The following SP1 variants were observed in gnomAD, a reference collection of about 807,000 sequenced individuals.
SP1 encodes the protein Sp1 transcription factor.
A neutral mutation model predicts 66.3 loss-of-function variants in SP1; 6 were observed. The observed-to-expected ratio is 0.09, with a 90% CI of 0.05 to 0.18. The LOEUF is 0.18. Among genes scored for constraint, SP1 ranks in the 10% least tolerant of loss-of-function variants. The probability of loss-of-function intolerance (pLI) is 1.00; values close to 1 mark genes in which losing one functional copy is unlikely to be tolerated. For synonymous variants in SP1, 417 were observed against 360.8 expected, an observed-to-expected ratio of 1.16 and a Z score of -1.77; for missense variants, 848 against 964.5, an observed-to-expected ratio of 0.88 and a Z score of 1.60.
chr12:53,401,507 C>T (rs1938610375), intron 3 of SP1, among the ~76,000 whole-genome samples: 1 of 147,348 alleles, frequency 6.8e-6, no homozygotes, highest in African/African-American at 2.5e-5. Flanking sequence ...ATTTCATGCA[C>T]ACAACGAGCA....
rs995763111 is a variant in SP1, at chr12:53,380,360, C to A, written c.7+62C>A. ...GCGAGTGAGGGGGCGCGCGCGAGGG[C>A]CGACCGGGCGATCCCCGCCGTGAAG... On this transcript the variant is annotated intron_variant, in intron 1 of 5. Coordinates refer to ENST00000327443, the MANE Select transcript of SP1 (RefSeq NM_138473.3). 28 of 1,359,258 alleles carry A rather than the reference C, an allele frequency of 2.1e-5. No individual in the cohort carries two copies. The African/African-American group carries it at 4.0e-4, about 20-fold the overall frequency. The allele number at this position is 1,359,258 out of a possible 1,614,324, so 84.2% of individuals were successfully genotyped here.
chr12:53,383,663 T>C (rs1222782300), intron 3 of SP1, 41 bp downstream of exon 3: 1 of 1,489,648 alleles, frequency 6.7e-7, no homozygotes, highest in East Asian at 2.3e-5. Flanking sequence ...GAACCAACTC[T>C]AGCATCGTAG....
At chr12:53,383,730 G>A (rs980644611) in intron 3 of SP1, 108 bp downstream of exon 3, 13 of 898,560 alleles carry the variant, frequency 1.4e-5, no homozygotes, top group Non-Finnish European at 2.0e-5. Context: ...CTTTCTTGAG[G>A]GTTAGTCATT....
In SP1 at chr12:53,383,345, T is replaced by C; in HGVS notation, c.1398T>C (p.Thr466=). The part of the protein sequence containing the change: ...VGPNGQVSWQ[T]LQLQNLQVQN... ...CCAATGGACAGGTCAGTTGGCAGACTCTACAGCTGCAGAACCTCCAAGTTC... is the reference window on the plus strand; with the variant it reads ...CCAATGGACAGGTCAGTTGGCAGACCCTACAGCTGCAGAACCTCCAAGTTC... The change falls in exon 3 of 6, where the codon ACT becomes ACC. Residue 466 remains threonine, a synonymous_variant. Coordinates refer to ENST00000327443, the MANE Select transcript of SP1 (RefSeq NM_138473.3). The C allele has an allele frequency of 6.2e-7, 1 of 1,614,204 alleles. No homozygotes were observed. The highest frequency in any genetic ancestry group is 8.5e-7 in the Non-Finnish European group (1 of 1,180,036).
rs1938915427 is a variant in SP1 at position 53,412,534 on chromosome 12, C to T, written c.*1294C>T. 6.6e-6 allele frequency: 1 copy of T among 152,628 alleles called. No individual in the cohort carries two copies. Among genetic ancestry groups the T allele is most frequent in the Non-Finnish European group, 1.5e-5 (1 of 68,054 alleles). The allele number at this position is 152,628 out of a possible 1,614,324, so 9.5% of individuals were successfully genotyped here. A position where few individuals can be genotyped will look rare whatever the true frequency, so the allele number is the denominator to read the frequency against. On this transcript the variant is annotated 3_prime_UTR_variant, in exon 6 of 6. Coordinates refer to ENST00000327443, the MANE Select transcript of SP1 (RefSeq NM_138473.3). ...CAGCCAGTGAATCTGTTTCAGGTTT[C>T]CATTCTGCAGAACTCCTCCAAAGCA...
chr12:53,383,124 C>G lies in SP1; in HGVS notation c.1177C>G (p.Gln393Glu). ...GCAAAAAGAAGGAGAGCAAAACCAG[C>G]AGACACAGCAGCAACAAATTCTTAT... is the stretch of plus-strand genomic sequence containing the variant. ...GQQKEGEQNQ[Q>E]TQQQQILIQP... is the part of the protein sequence containing the mutation. The change falls in exon 3 of 6, where the codon CAG becomes GAG. Residue 393 changes from glutamine (Q) to glutamate (E), a missense_variant. Gln to Glu is a conservative substitution (Grantham distance 29). Transcript: ENST00000327443. 2 of 1,614,226 alleles carry G rather than the reference C, an allele frequency of 1.2e-6. No homozygotes were observed. Among genetic ancestry groups the G allele is most frequent in the East Asian group, 2.2e-5 (1 of 44,888 alleles).
In SP1 at chr12:53,382,335, G is replaced by C. The variant is rs761771249; in HGVS notation, c.388G>C (p.Gly130Arg). ...GGAACAGAGTGGCAGCAGTACCAAT[G>C]GCAGCAATGGCAGTGAGTCTTCCAA... ...SKEQSGSSTN[G>R]SNGSESSKNR... The change falls in exon 3 of 6, where the codon GGC becomes CGC. Residue 130 changes from glycine to arginine, a missense_variant. Coordinates refer to ENST00000327443, the MANE Select transcript of SP1 (RefSeq NM_138473.3). The C allele has an allele frequency of 6.2e-7, 1 of 1,614,174 alleles. No individual in the cohort carries two copies. Among genetic ancestry groups the C allele is most frequent in the South Asian group, 1.1e-5 (1 of 91,080 alleles).
At chr12:53,394,142 G>C (rs923044326) in intron 3 of SP1, among the ~76,000 whole-genome samples, 18 of 151,900 alleles carry the variant, frequency 1.2e-4, no homozygotes, top group African/African-American at 4.1e-4. Flanking sequence ...TTGAACCCGG[G>C]AGGTGGAGGT....
At chr12:53,407,867 A>T (rs1047594114) in intron 4 of SP1, among the ~76,000 whole-genome samples, 2 of 146,050 alleles carry the variant, frequency 1.4e-5, no homozygotes, top group Admixed American at 1.4e-4. Flanking sequence ...CGATCTCCTG[A>T]CCTTGTGATC....
chr12:53,412,780 A>G lies in SP1; in HGVS notation c.*1540A>G, dbSNP rs997429295. 4 of 152,642 alleles carry G rather than the reference A, an allele frequency of 2.6e-5. No homozygotes were observed. The highest frequency in any genetic ancestry group is 2.1e-4 in the South Asian group (1 of 4,830). The allele number at this position is 152,642 out of a possible 1,614,324, so 9.5% of individuals were successfully genotyped here. A position where few individuals can be genotyped will look rare whatever the true frequency, so the allele number is the denominator to read the frequency against. ...TTCAGAAGAGACTGATCCAAAAATT[A>G]TAACGGCAGGGAACCTAGTGCATTT... On this transcript the variant is annotated 3_prime_UTR_variant, in exon 6 of 6. Coordinates refer to ENST00000327443, the MANE Select transcript of SP1 (RefSeq NM_138473.3).
chr12:53,394,824 C>T (rs903934371), intron 3 of SP1, among the ~76,000 whole-genome samples: 21 of 151,544 alleles, frequency 1.4e-4, no homozygotes, highest in African/African-American at 5.1e-4. Flanking sequence ...CCGTGTTAGC[C>T]AGGATGATCT....
rs1233583190 is a variant in SP1 at position 53,381,700 on chromosome 12, A to G, written c.49A>G (p.Ile17Val). The G allele has an allele frequency of 6.2e-7, 1 of 1,613,898 alleles. No homozygotes were observed. ...GGATGAAATGACAGCTGTGGTGAAA[A>G]TTGAAAAAGGAGTTGGTGGCAATAA... The part of the protein sequence containing the change: ...SMDEMTAVVK[I>V]EKGVGGNNGG... Residue 17 changes from isoleucine to valine, a missense_variant, in exon 2 of 6, where the codon ATT (isoleucine) becomes GTT (valine). Around this residue, in one of 7 missense-constraint regions of SP1, gnomAD observed 84 missense variants for 73.9 expected, o/e 1.14. Transcript: ENST00000327443.
chr12:53,402,218 A>C (rs987876898), intron 3 of SP1, among the ~76,000 whole-genome samples: 5 of 132,556 alleles, frequency 3.8e-5, no homozygotes, highest in Non-Finnish European at 6.4e-5. Context: ...CATAGGCTGC[A>C]CCTTTTTTTT....
intron 3 of SP1, among the ~76,000 whole-genome samples, chr12:53,406,286 C>T (rs774504903): frequency 1.3e-5 from 2 of 151,946 alleles, no homozygotes; most frequent in Non-Finnish European, 2.9e-5. Context: ...TCAGACTGGT[C>T]TTGAACTCCT....
Position 53,412,772 on chromosome 12 carries a change from C to T in SP1, c.*1532C>T, listed in dbSNP as rs892354423. On this transcript the variant is annotated 3_prime_UTR_variant, in exon 6 of 6. Coordinates refer to ENST00000327443, the MANE Select transcript of SP1 (RefSeq NM_138473.3). The stretch of plus-strand genomic sequence containing the variant: ...GACCTGATTTCAGAAGAGACTGATC[C>T]AAAAATTATAACGGCAGGGAACCTA... 1 of 152,516 alleles carries T rather than the reference C, an allele frequency of 6.6e-6. No homozygotes were observed. The highest frequency in any genetic ancestry group is 1.5e-5 in the Non-Finnish European group (1 of 68,020). 9.4% of individuals were successfully genotyped at this position (152,516 alleles called of 1,614,324 possible). A position where few individuals can be genotyped will look rare whatever the true frequency, so the allele number is the denominator to read the frequency against.
rs1361547369 is a variant in SP1, at chr12:53,413,244, A to G, written c.*2004A>G. The stretch of plus-strand genomic sequence containing the variant: ...TTTCTTTGCTTATGCTAAATTAATT[A>G]CAATTATGAATGGAGGATATTCTAC... On this transcript the variant is annotated 3_prime_UTR_variant, in exon 6 of 6. Transcript: ENST00000327443. 6.6e-6 allele frequency: 1 copy of G among 152,418 alleles called. No individual in the cohort carries two copies. Among genetic ancestry groups the G allele is most frequent in the Non-Finnish European group, 1.5e-5 (1 of 68,044 alleles). The allele number at this position is 152,418 out of a possible 1,614,324, so 9.4% of individuals were successfully genotyped here. A position where few individuals can be genotyped will look rare whatever the true frequency, so the allele number is the denominator to read the frequency against.
chr12:53,382,223 G>A lies in SP1; in HGVS notation c.276G>A (p.Glu92=), dbSNP rs963587073. The change falls in exon 3 of 6, where the codon GAG becomes GAA. Residue 92 remains glutamate (E), a synonymous_variant. Coordinates refer to ENST00000327443, the MANE Select transcript of SP1 (RefSeq NM_138473.3). ...CGAGTCAGTCAGGGGGAACAGGTGA[G>A]CTTGACCTCACAGCCACACAACTTT... ...QGPSQSGGTG[E]LDLTATQLSQ... 6.2e-7 allele frequency: 1 copy of A among 1,614,084 alleles called. No homozygotes were observed. The highest frequency in any genetic ancestry group is 1.3e-5 in the African/African-American group (1 of 74,928).
intron 3 of SP1, among the ~76,000 whole-genome samples, chr12:53,396,904 C>CAA (rs1938504420): frequency 1.3e-5 from 2 of 152,098 alleles, no homozygotes; most frequent in Non-Finnish European, 2.9e-5. Flanking sequence ...GCTGGGATTA[C>CAA]AGGTGTGAGC....
chr12:53,385,774 G>A (rs981891899), intron 3 of SP1, among the ~76,000 whole-genome samples: 3 of 151,146 alleles, frequency 2.0e-5, no homozygotes, highest in African/African-American at 7.3e-5. Flanking sequence ...TTAGCCGGGC[G>A]TGGTGGTACA....
Sources: allele counts gnomAD v4.1 joint callset (sites outside exome capture counted in the v4.1 genomes callset), GRCh38; gene constraint gnomAD v4.1.1; regional missense constraint gnomAD v4.1.1; transcripts MANE v1.5; gene names NCBI Gene and HGNC (gene_info 2026-07-23, HGNC 2026-07-21).